Variants in ENTREP1 observed in about 807,000 individuals in gnomAD.
The protein encoded by ENTREP1 is Friedreich ataxia region gene X123.
At chr9:69,381,779 A>T in the ENTREP1 span, 77 of 152,370 alleles carry the variant, frequency 5.1e-4, no homozygotes, top group African/African-American at 1.8e-3. Context: ...CTTTCCTTCT[A>T]TGTCAACTCT....
At chr9:69,372,905 T>C in the ENTREP1 span, among the ~76,000 whole-genome samples, 1 of 152,168 alleles carries the variant, frequency 6.6e-6, no homozygotes, top group Admixed American at 6.5e-5. Context: ...TCATTTGGTT[T>C]TGATTTGCAT....
chr9:69,336,528 A>G, the ENTREP1 span, among the ~76,000 whole-genome samples: 1 of 152,180 alleles, frequency 6.6e-6, no homozygotes, highest in East Asian at 1.9e-4. Context: ...CATCCTAAAG[A>G]TAGAATTTTA....
At chr9:69,349,000 A>G in the ENTREP1 span, among the ~76,000 whole-genome samples, 3 of 151,954 alleles carry the variant, frequency 2.0e-5, no homozygotes, top group Non-Finnish European at 4.4e-5. Context: ...CCTGGCCAAC[A>G]TGGTGAAACC....
the ENTREP1 span, among the ~76,000 whole-genome samples, chr9:69,351,182 G>T: frequency 6.6e-6 from 1 of 152,138 alleles, no homozygotes; most frequent in South Asian, 2.1e-4. Context: ...TCCTACAGAT[G>T]TAAAGTAGCC....
chr9:69,387,415 G>A, the ENTREP1 span: 1 of 155,126 alleles, frequency 6.4e-6, no homozygotes, highest in African/African-American at 2.4e-5. Flanking sequence ...CTGACTTCTG[G>A]ACACATAATG....
chr9:69,389,695 C>A, the ENTREP1 span, among the ~76,000 whole-genome samples: 1 of 152,224 alleles, frequency 6.6e-6, no homozygotes. Flanking sequence ...GGAAGGCTGC[C>A]AAGCTCTGAT....
chr9:69,377,749 C>G, the ENTREP1 span: 1 of 1,608,122 alleles, frequency 6.2e-7, no homozygotes. Context: ...CCGCAGGTAT[C>G]GTTCCTGAGT....
the ENTREP1 span, among the ~76,000 whole-genome samples, chr9:69,367,762 T>C: frequency 7.4e-4 from 64 of 86,302 alleles, 1 homozygote; most frequent in East Asian, 7.9e-3. Context: ...AATATATATA[T>C]ACACATATAT....
At chr9:69,331,973 T>C in the ENTREP1 span, among the ~76,000 whole-genome samples, 1 of 152,230 alleles carries the variant, frequency 6.6e-6, no homozygotes, top group Non-Finnish European at 1.5e-5. Flanking sequence ...CATTGAATAC[T>C]CTGTCTCCTT....
chr9:69,367,967 G>A, the ENTREP1 span, among the ~76,000 whole-genome samples: 1 of 148,794 alleles, frequency 6.7e-6, no homozygotes, highest in Non-Finnish European at 1.5e-5. Flanking sequence ...ATTGTAAATG[G>A]GATTGCCTTC....
the ENTREP1 span, chr9:69,377,574 T>C: frequency 6.2e-7 from 1 of 1,612,870 alleles, no homozygotes; most frequent in South Asian, 1.1e-5. Context: ...GCCTTTGTAA[T>C]GAAGGCTGTT....
At chr9:69,380,510 A>G in the ENTREP1 span, 2 of 152,264 alleles carry the variant, frequency 1.3e-5, no homozygotes, top group African/African-American at 2.4e-5. Flanking sequence ...TATAAATACA[A>G]CCACTTCATG....
the ENTREP1 span, chr9:69,371,532 G>A: frequency 6.2e-7 from 1 of 1,613,864 alleles, no homozygotes; most frequent in Admixed American, 1.7e-5. Context: ...TGTGGTTTGT[G>A]TCCTCTTAAA....
At chr9:69,337,811 C>G in the ENTREP1 span, among the ~76,000 whole-genome samples, 2 of 152,072 alleles carry the variant, frequency 1.3e-5, no homozygotes, top group Non-Finnish European at 2.9e-5. Context: ...TATAATATCT[C>G]TTATTTTTAT....
the ENTREP1 span, chr9:69,384,036 C>T: frequency 1.3e-6 from 2 of 1,572,218 alleles, no homozygotes; most frequent in East Asian, 2.2e-5. Context: ...GTAATAGATA[C>T]ATTGTGACAT....
the ENTREP1 span, among the ~76,000 whole-genome samples, chr9:69,341,159 T>TA: frequency 6.6e-6 from 1 of 152,230 alleles, no homozygotes; most frequent in African/African-American, 2.4e-5. Flanking sequence ...TTGGGTTCCT[T>TA]ATGAAGTGGT....
chr9:69,377,868 C>G, the ENTREP1 span: 12 of 1,118,936 alleles, frequency 1.1e-5, no homozygotes, highest in Non-Finnish European at 1.5e-5. Flanking sequence ...AAAATTTTTC[C>G]TGACTTGAGG....
chr9:69,327,568 G>A, the ENTREP1 span, among the ~76,000 whole-genome samples: 1 of 151,798 alleles, frequency 6.6e-6, no homozygotes, highest in Non-Finnish European at 1.5e-5. Context: ...TCATTTCAGA[G>A]GTAAATGCAC....
At chr9:69,383,621 T>C in the ENTREP1 span, 8 of 1,613,672 alleles carry the variant, frequency 5.0e-6, no homozygotes, top group Non-Finnish European at 6.8e-6. Context: ...GCCAAGTCGC[T>C]TTTCCTAGGA....
Sources: gnomAD v4.1 joint callset for allele counts (sites outside exome capture counted in the v4.1 genomes callset) on GRCh38, gnomAD v4.1.1 for gene constraint, MANE v1.5 for transcripts, NCBI Gene and HGNC (gene_info 2026-07-23, HGNC 2026-07-21) for gene names.